SEMA3A: variants seen among roughly 807,000 people sequenced by gnomAD.
SEMA3A encodes the protein semaphorin-3A.
In SEMA3A, 29 loss-of-function variants were observed where a neutral mutation model predicts 97.9. The observed-to-expected ratio is 0.30, with a 90% CI of 0.22 to 0.40. The LOEUF (loss-of-function observed/expected upper bound fraction) is 0.40. Ranked by LOEUF, SEMA3A falls within the 10% of genes least tolerant of loss-of-function variation. SEMA3A has a pLI of 1.00. For synonymous variants in SEMA3A, 321 were observed against 323.7 expected (o/e 0.99, Z 0.09); for missense variants, 763 against 951.3 (o/e 0.80, Z 2.60).
intron 3 of SEMA3A, among the ~76,000 whole-genome samples, chr7:84,293,151 T>TA (rs993085213): frequency 6.6e-6 from 1 of 152,178 alleles, no homozygotes; most frequent in African/African-American, 2.4e-5. Flanking sequence ...AAGCACATTT[T>TA]AAAAAATGTT....
intron 13 of SEMA3A, among the ~76,000 whole-genome samples, chr7:83,984,330 T>G (rs1789541931): frequency 6.6e-6 from 1 of 152,130 alleles, no homozygotes; most frequent in South Asian, 2.1e-4. Context: ...CAGTGTAAGA[T>G]AACAGTATCA....
At chr7:84,033,630 A>G (rs114515338) in intron 6 of SEMA3A, among the ~76,000 whole-genome samples, 3,301 of 152,308 alleles carry the variant, frequency 0.022, 120 homozygotes, top group African/African-American at 0.075. Flanking sequence ...TGCTAAAAGT[A>G]GGGATATAAA....
chr7:84,400,071 T>C (rs192172945), intron 1 of SEMA3A, among the ~76,000 whole-genome samples: 12 of 152,256 alleles, frequency 7.9e-5, no homozygotes, highest in Admixed American at 7.2e-4. Context: ...ATATTGGGCT[T>C]AGTGTGCCAT....
intron 2 of SEMA3A, among the ~76,000 whole-genome samples, chr7:84,329,289 T>C (rs1156948864): frequency 1.3e-5 from 2 of 152,038 alleles, no homozygotes; most frequent in African/African-American, 4.8e-5. Context: ...AACAAGTAGG[T>C]AAAAGATGAG....
At chr7:83,976,074 C>T (rs1004141934) in intron 15 of SEMA3A, among the ~76,000 whole-genome samples, 3 of 152,084 alleles carry the variant, frequency 2.0e-5, no homozygotes, top group African/African-American at 7.2e-5. Flanking sequence ...CATGGTTACC[C>T]GTCTCCTGGT....
chr7:84,129,049 G>A, intron 3 of SEMA3A, 74 bp downstream of exon 3: 1 of 1,169,278 alleles, frequency 8.6e-7, no homozygotes, highest in Non-Finnish European at 1.3e-6. Flanking sequence ...TCAGAAATTT[G>A]AAACACTTTT....
intron 1 of SEMA3A, among the ~76,000 whole-genome samples, chr7:84,458,097 C>G (rs1805731014): frequency 6.6e-6 from 1 of 151,928 alleles, no homozygotes; most frequent in South Asian, 2.1e-4. Flanking sequence ...ACATTAAGCT[C>G]TGTTTGAGGA....
intron 2 of SEMA3A, among the ~76,000 whole-genome samples, chr7:84,363,497 C>T (rs1259296162): frequency 6.6e-6 from 1 of 151,916 alleles, no homozygotes; most frequent in Non-Finnish European, 1.5e-5. Flanking sequence ...TTCTTTAGAT[C>T]TATATCTATC....
At chr7:84,411,211 A>T (rs1333156174) in intron 1 of SEMA3A, among the ~76,000 whole-genome samples, 1 of 152,100 alleles carries the variant, frequency 6.6e-6, no homozygotes, top group Non-Finnish European at 1.5e-5. Flanking sequence ...TAGGAAAAAA[A>T]TTGGTAGCGG....
intron 1 of SEMA3A, among the ~76,000 whole-genome samples, chr7:84,449,199 A>G (rs1236998963): frequency 2.0e-5 from 3 of 152,182 alleles, no homozygotes; most frequent in African/African-American, 4.8e-5. Context: ...TAGAGAAAAC[A>G]TAGATCAAAA....
At chr7:84,164,401 T>C (rs2116177884) in intron 1 of SEMA3A, among the ~76,000 whole-genome samples, 1 of 152,308 alleles carries the variant, frequency 6.6e-6, no homozygotes, top group East Asian at 1.9e-4. Flanking sequence ...AGTTAAATAC[T>C]ACTCAGTGGC....
chr7:84,238,443 C>G (rs1799285560), intron 3 of SEMA3A, among the ~76,000 whole-genome samples: 1 of 152,150 alleles, frequency 6.6e-6, no homozygotes, highest in African/African-American at 2.4e-5. Flanking sequence ...GTCTACACCA[C>G]TTAATTTTTA....
Position 84,299,338 on chromosome 7 carries a change from ATCTCTC to A in SEMA3A, c.-83+7863_-83+7868del, listed in dbSNP as rs368421141. On this transcript the variant is annotated intron_variant, in intron 3 of 3. Coordinates refer to the SEMA3A transcript ENST00000424555. ...TATATATATATCTCCATATATATGTATCTCTCTCTCTCTCTCTCTCTCTCTCCCTCT... is the reference window on the plus strand; with the variant it reads ...TATATATATATCTCCATATATATGTATCTCTCTCTCTCTCTCTCTCCCTCT... Among the ~76,000 whole-genome samples, 76 of 112,994 alleles carry A rather than the reference ATCTCTC, an allele frequency of 6.7e-4. 1 individual carries two copies. Among genetic ancestry groups the A allele is most frequent in the African/African-American group, 2.2e-3 (64 of 29,082 alleles). The allele number at this position is 112,994 out of a possible 152,430, so 74.1% of individuals were successfully genotyped here.
rs181086939 is a variant in SEMA3A, at chr7:84,251,653, T to G, written c.-83+55554A>C. 1.1e-3 allele frequency among the ~76,000 whole-genome samples: 163 copies of G among 152,292 alleles called. 1 individual carries two copies. Among genetic ancestry groups the G allele is most frequent in the African/African-American group, 3.7e-3 (154 of 41,572 alleles). ...GCCCTAGCACTCTTTACATAAAACTTATTATTATGTGACTCATCCAGCCTC... is the reference window on the plus strand; with the variant it reads ...GCCCTAGCACTCTTTACATAAAACTGATTATTATGTGACTCATCCAGCCTC... On this transcript the variant is annotated intron_variant, in intron 3 of 3. Transcript: ENST00000424555.
chr7:84,486,710 C>T (rs1806582502), intron 1 of SEMA3A, among the ~76,000 whole-genome samples: 1 of 152,134 alleles, frequency 6.6e-6, no homozygotes. Context: ...GCTCACTCTT[C>T]TCTTTATAGA....
chr7:84,124,969 T>C (rs1795748325), intron 3 of SEMA3A, among the ~76,000 whole-genome samples: 1 of 151,968 alleles, frequency 6.6e-6, no homozygotes, highest in South Asian at 2.1e-4. Context: ...AAAGGATCTA[T>C]AAGGGTTATC....
At chr7:84,062,662 G>C (rs551124484) in intron 4 of SEMA3A, among the ~76,000 whole-genome samples, 4 of 152,172 alleles carry the variant, frequency 2.6e-5, no homozygotes, top group African/African-American at 9.7e-5. Flanking sequence ...GGTGACAGAC[G>C]GCACCTGGAA....
At chr7:84,343,347 C>T (rs544937629) in intron 2 of SEMA3A, among the ~76,000 whole-genome samples, 4 of 152,254 alleles carry the variant, frequency 2.6e-5, no homozygotes, top group African/African-American at 9.6e-5. Flanking sequence ...AAGGTCTACT[C>T]ATAGGGTGAT....
chr7:84,338,069 T>C (rs1327787737), intron 2 of SEMA3A, among the ~76,000 whole-genome samples: 1 of 151,994 alleles, frequency 6.6e-6, no homozygotes, highest in East Asian at 1.9e-4. Flanking sequence ...CTTATACATA[T>C]ATATACACAC....
Sources: gnomAD v4.1 joint callset for allele counts (sites outside exome capture counted in the v4.1 genomes callset) on GRCh38, gnomAD v4.1.1 for gene constraint, MANE v1.5 for transcripts, NCBI Gene and HGNC (gene_info 2026-07-23, HGNC 2026-07-21) for gene names.